The following TTC27 variants were observed in gnomAD, a reference collection of about 807,000 sequenced individuals.
TTC27 encodes the protein tetratricopeptide repeat protein 27.
A neutral mutation model predicts 115.9 loss-of-function variants in TTC27; 79 were observed. The ratio of observed to expected loss-of-function variants is 0.68; its 90% CI spans 0.57 to 0.82. TTC27 has a LOEUF of 0.82. Ranked by LOEUF, TTC27 falls within the 40% of genes least tolerant of loss-of-function variation. The pLI is 0.00. For synonymous variants in TTC27, 401 were observed against 356.0 expected (o/e 1.13, Z -1.42); for missense variants, 1,054 against 993.1 (o/e 1.06, Z -0.82).
At chr2:32,678,521 G>A (rs6729591) in intron 8 of TTC27, among the ~76,000 whole-genome samples, 3,387 of 151,846 alleles carry the variant, frequency 0.022, 120 homozygotes, top group African/African-American at 0.078. Flanking sequence ...TCCGCCTCCC[G>A]GGTTCACGCC....
In TTC27 at chr2:32,811,073, G is replaced by C. The variant is rs1233788600; in HGVS notation, c.2048G>C (p.Ser683Thr). Residue 683 changes from serine (S) to threonine (T), a missense_variant, in exon 17 of 20, where the codon AGT (serine) becomes ACT (threonine). Coordinates refer to ENST00000317907, the MANE Select transcript of TTC27 (RefSeq NM_017735.5). ...RAVIDGMTDRSGDVATGLKGK... is the reference protein window; with the variant it reads ...RAVIDGMTDRTGDVATGLKGK... ...GTGATTGATGGGATGACTGATCGAA[G>C]TGGAGATGTTGCAACTGGCCTCAAA... The C allele has an allele frequency of 6.2e-7, 1 of 1,614,202 alleles. No individual in the cohort carries two copies. Among genetic ancestry groups the C allele is most frequent in the Non-Finnish European group, 8.5e-7 (1 of 1,180,024 alleles).
chr2:32,633,412 ATTTC>A (rs1160343255), intron 2 of TTC27, among the ~76,000 whole-genome samples: 1 of 151,790 alleles, frequency 6.6e-6, no homozygotes, highest in African/African-American at 2.4e-5. Context: ...TGTAGACCTA[ATTTC>A]TTTTTTTTTT....
intron 14 of TTC27, chr2:32,780,171 T>A (rs6729463): frequency 7.1e-6 from 3 of 424,568 alleles, no homozygotes; most frequent in African/African-American, 6.1e-5. Flanking sequence ...CAGCATTCCT[T>A]GAATTTTCCT....
intron 16 of TTC27, among the ~76,000 whole-genome samples, chr2:32,810,722 A>G (rs969893791): frequency 8.5e-5 from 13 of 152,176 alleles, no homozygotes; most frequent in African/African-American, 2.2e-4. Context: ...TGTGGATCCA[A>G]TCATTCAGAG....
chr2:32,749,141 G>A (rs771416664), intron 12 of TTC27, among the ~76,000 whole-genome samples: 2 of 152,116 alleles, frequency 1.3e-5, no homozygotes. Flanking sequence ...CTTTGCATTT[G>A]TTTGCCCCAA....
chr2:32,734,705 G>A (rs561414023), intron 11 of TTC27, among the ~76,000 whole-genome samples: 7 of 152,140 alleles, frequency 4.6e-5, no homozygotes, highest in Non-Finnish European at 8.8e-5. Context: ...ATTGAGGCTC[G>A]GTGCAATTAG....
At chr2:32,788,318 C>G (rs1195223339) in intron 16 of TTC27, among the ~76,000 whole-genome samples, 1 of 152,130 alleles carries the variant, frequency 6.6e-6, no homozygotes, top group Non-Finnish European at 1.5e-5. Context: ...TCTTTAGAAT[C>G]ACACACTGTC....
chr2:32,798,059 G>A (rs1236128373), intron 16 of TTC27, among the ~76,000 whole-genome samples: 1 of 149,326 alleles, frequency 6.7e-6, no homozygotes, highest in Non-Finnish European at 1.5e-5. Flanking sequence ...AATCAAATGA[G>A]ATACCACCTT....
intron 13 of TTC27, among the ~76,000 whole-genome samples, chr2:32,763,373 A>T (rs575563346): frequency 7.2e-4 from 109 of 152,352 alleles, no homozygotes; most frequent in African/African-American, 2.6e-3. Context: ...TGGAATTTAA[A>T]AAAATTCTAT....
chr2:32,780,703 G>A (rs1030103397), intron 14 of TTC27, among the ~76,000 whole-genome samples: 3 of 152,168 alleles, frequency 2.0e-5, no homozygotes, highest in Non-Finnish European at 1.5e-5. Context: ...GCCTCCCAAA[G>A]TGATGGGATT....
At chr2:32,807,123 A>G (rs1243070747) in intron 16 of TTC27, among the ~76,000 whole-genome samples, 2 of 152,180 alleles carry the variant, frequency 1.3e-5, no homozygotes, top group Admixed American at 1.3e-4. Flanking sequence ...ACTATGGGAC[A>G]TTAAAGGCAA....
intron 12 of TTC27, among the ~76,000 whole-genome samples, chr2:32,739,648 G>C (rs557810024): frequency 6.4e-4 from 97 of 152,192 alleles, no homozygotes; most frequent in African/African-American, 2.3e-3. Context: ...CCAAAATCTT[G>C]ATCTTAAAAG....
intron 12 of TTC27, among the ~76,000 whole-genome samples, chr2:32,752,304 A>G (rs80055945): frequency 2.1e-3 from 314 of 152,370 alleles, no homozygotes; most frequent in African/African-American, 7.2e-3. Context: ...TTAGGGGTAG[A>G]TGAGCAGGTT....
intron 4 of TTC27, among the ~76,000 whole-genome samples, chr2:32,646,055 G>T (rs1413081279): frequency 6.8e-6 from 1 of 146,224 alleles, no homozygotes; most frequent in Admixed American, 7.0e-5. Context: ...TTGAGATGGA[G>T]TCTCGCTCTG....
In TTC27 at chr2:32,707,969, A is replaced by C. The variant is rs74480035; in HGVS notation, c.1233+5049A>C. On this transcript the variant is annotated intron_variant, in intron 10 of 19. Coordinates refer to ENST00000317907, the MANE Select transcript of TTC27 (RefSeq NM_017735.5). ...GTAAGGTAGTACTTAACAACAAAAA[A>C]AAAAAGAAATGAGGTATGTCAAAAG... Among the ~76,000 whole-genome samples, 330 of 152,288 alleles carry C rather than the reference A, an allele frequency of 2.2e-3. 1 individual carries two copies. The highest frequency in any genetic ancestry group is 3.4e-3 in the Middle Eastern group (1 of 294).
chr2:32,688,548 A>C (rs187544311), intron 9 of TTC27, among the ~76,000 whole-genome samples: 1 of 152,310 alleles, frequency 6.6e-6, no homozygotes, highest in Admixed American at 6.5e-5. Flanking sequence ...TTTACTTAGC[A>C]TAAAGACCCC....
At chr2:32,688,233 A>C (rs561654335) in intron 9 of TTC27, among the ~76,000 whole-genome samples, 1 of 152,274 alleles carries the variant, frequency 6.6e-6, no homozygotes, top group East Asian at 1.9e-4. Flanking sequence ...TATTTTATCC[A>C]TGGACCACAG....
chr2:32,733,199 C>T (rs149991807), intron 10 of TTC27, among the ~76,000 whole-genome samples: 158 of 152,296 alleles, frequency 1.0e-3, no homozygotes, highest in African/African-American at 3.6e-3. Context: ...TGGTCTGCTT[C>T]TTGATGTAGC....
chr2:32,656,315 T>C (rs1033626584), intron 5 of TTC27, among the ~76,000 whole-genome samples: 1 of 152,118 alleles, frequency 6.6e-6, no homozygotes, highest in African/African-American at 2.4e-5. Flanking sequence ...GGAGAGAATG[T>C]GATTGTTCTG....
Sources: gnomAD v4.1 joint callset for allele counts (sites outside exome capture counted in the v4.1 genomes callset) on GRCh38, gnomAD v4.1.1 for gene constraint, MANE v1.5 for transcripts, NCBI Gene and HGNC (gene_info 2026-07-23, HGNC 2026-07-21) for gene names.